Variants in LRRC53 observed in about 807,000 individuals in gnomAD.
LRRC53 encodes leucine-rich repeat-containing protein 53.
Under a neutral mutation model 13.6 loss-of-function variants are expected in LRRC53, and 25 were observed. That is an observed-to-expected ratio of 1.83 (90% confidence interval 1.34 to 2.56). The LOEUF (loss-of-function observed/expected upper bound fraction) is 2.56. Ranked by LOEUF, LRRC53 falls within the 30% of genes most tolerant of loss-of-function variation. The pLI is 0.00. For missense variants in LRRC53, 527 were observed against 275.8 expected, an observed-to-expected ratio of 1.91 and a Z score of -6.45; for synonymous variants, 204 against 109.8, an observed-to-expected ratio of 1.86 and a Z score of -5.37.
At chr1:74,498,726 T>TC (rs1557608519) in intron 1 of LRRC53, among the ~76,000 whole-genome samples, 67 of 152,218 alleles carry the variant, frequency 4.4e-4, no homozygotes, top group African/African-American at 1.6e-3. Flanking sequence ...TTTTCCAGTC[T>TC]TCCCCCCGAC....
At chr1:74,514,782 G>T (rs1055335205), upstream of LRRC53, among the ~76,000 whole-genome samples, 1 of 152,062 alleles carries the variant, frequency 6.6e-6, no homozygotes, top group Non-Finnish European at 1.5e-5. Context: ...GGGTATTGTG[G>T]GTTGAATTGT....
intron 1 of LRRC53, among the ~76,000 whole-genome samples, chr1:74,494,121 T>C (rs1005089115): frequency 6.6e-6 from 1 of 152,108 alleles, no homozygotes; most frequent in Non-Finnish European, 1.5e-5. Flanking sequence ...AAAATCTTTC[T>C]CCGTCCACGT....
chr1:74,500,561 G>A (rs531231329), intron 1 of LRRC53, among the ~76,000 whole-genome samples: 161 of 126,044 alleles, frequency 1.3e-3, no homozygotes, highest in African/African-American at 4.3e-3. Flanking sequence ...CTGAGATCCC[G>A]CCACTGCACT....
At chr1:74,476,201 T>C (rs1280746718) in intron 3 of LRRC53, among the ~76,000 whole-genome samples, 1 of 152,174 alleles carries the variant, frequency 6.6e-6, no homozygotes, top group Non-Finnish European at 1.5e-5. Flanking sequence ...TGCCTGGTAC[T>C]GTCATTTCAT....
chr1:74,486,233 G>GA (rs200856016), intron 1 of LRRC53, among the ~76,000 whole-genome samples: 7 of 150,094 alleles, frequency 4.7e-5, no homozygotes, highest in South Asian at 2.1e-4. Context: ...GAGAGAGAGA[G>GA]GTGGGAAATA....
chr1:74,533,164 C>T, the LRRC53 span, among the ~76,000 whole-genome samples: 1 of 152,152 alleles, frequency 6.6e-6, no homozygotes, highest in Non-Finnish European at 1.5e-5. Context: ...GCAACCTACT[C>T]ATCTGACAAA....
At chr1:74,478,564 G>T (rs1668322035) in intron 3 of LRRC53, among the ~76,000 whole-genome samples, 1 of 152,024 alleles carries the variant, frequency 6.6e-6, no homozygotes, top group Non-Finnish European at 1.5e-5. Flanking sequence ...AATCCTCTAT[G>T]AAAAAAAGGG....
chr1:74,497,063 G>T (rs370828360), intron 1 of LRRC53, among the ~76,000 whole-genome samples: 2 of 152,220 alleles, frequency 1.3e-5, no homozygotes, highest in South Asian at 4.1e-4. Context: ...TCCATCAAAG[G>T]TTTCTTTAAA....
At chr1:74,536,664 C>A in the LRRC53 span, among the ~76,000 whole-genome samples, 1 of 152,012 alleles carries the variant, frequency 6.6e-6, no homozygotes, top group African/African-American at 2.4e-5. Flanking sequence ...CATTTTACAT[C>A]CACAAAATTA....
In LRRC53 at chr1:74,480,622, AT is replaced by A. The variant is rs2100254900; in HGVS notation, c.434del (p.Asn145IlefsTer49). 2.8e-6 allele frequency: 2 copies of A among 717,268 alleles called. No individual in the cohort carries two copies. The highest frequency in any genetic ancestry group is 5.4e-5 in the East Asian group (2 of 37,292). The allele number at this position is 717,268 out of a possible 1,614,324, so 44.4% of individuals were successfully genotyped here. ...TGCCTCCGAAAGAACTGTCTGTGAG[AT>A]TAGTAATCTGATTCCCATCCAGCTG... ...RLQLDGNQIT[N>X]LTDSSFGGTN... is the part of the protein sequence containing the mutation. On this transcript the variant is annotated frameshift_variant, in exon 3 of 5. Transcript: ENST00000294635. LOFTEE classifies it high-confidence loss of function.
intron 1 of LRRC53, among the ~76,000 whole-genome samples, chr1:74,506,438 T>G (rs1191096030): frequency 6.6e-6 from 1 of 152,186 alleles, no homozygotes; most frequent in African/African-American, 2.4e-5. Flanking sequence ...AGCCCATGAT[T>G]TTTTTACTAC....
chr1:74,518,874 C>CTTT, the LRRC53 span, among the ~76,000 whole-genome samples: 1 of 29,050 alleles, frequency 3.4e-5, no homozygotes, highest in Non-Finnish European at 6.0e-5. Flanking sequence ...TTTTTTTCCC[C>CTTT]TTTTTTTTTT....
At chr1:74,525,405 C>T in the LRRC53 span, among the ~76,000 whole-genome samples, 1 of 152,112 alleles carries the variant, frequency 6.6e-6, no homozygotes, top group Admixed American at 6.5e-5. Flanking sequence ...TTAAGGACAG[C>T]AGCTAGGAAG....
At position 74,483,352 on chromosome 1, in the gene LRRC53, T is replaced by C; in HGVS notation, c.-3A>G. Reference sequence around the variant, plus strand: ...CAAGCTGCCACCAACCGCAACATGATGGCAAAGAGTACCAGCCATCCACCT... The same window carrying C: ...CAAGCTGCCACCAACCGCAACATGACGGCAAAGAGTACCAGCCATCCACCT... On this transcript the variant is annotated 5_prime_UTR_variant, in exon 2 of 5. Transcript: ENST00000294635. 1 of 717,388 alleles carries C rather than the reference T, an allele frequency of 1.4e-6. No homozygotes were observed. The highest frequency in any genetic ancestry group is 2.6e-6 in the Non-Finnish European group (1 of 384,922). The allele number at this position is 717,388 out of a possible 1,614,324, so 44.4% of individuals were successfully genotyped here. A position where few individuals can be genotyped will look rare whatever the true frequency, so the allele number is the denominator to read the frequency against.
rs908441945 is a variant in LRRC53, at chr1:74,475,821, TAGAG to T, written c.905-15_905-12del. 1.0e-4 allele frequency: 59 copies of T among 575,882 alleles called. No individual in the cohort carries two copies. Among genetic ancestry groups the T allele is most frequent in the Admixed American group, 2.2e-4 (7 of 31,822 alleles). The allele number at this position is 575,882 out of a possible 1,614,324, so 35.7% of individuals were successfully genotyped here. On this transcript the variant is annotated splice_polypyrimidine_tract_variant and intron_variant, in intron 3 of 4. Coordinates refer to ENST00000294635, the MANE Select transcript of LRRC53 (RefSeq NM_001382280.1). ...TGAGACCAACAGCTCCTATGACAAA[TAGAG>T]AGACCATTAAAAGATAACATCTTGG...
chr1:74,474,061 T>C (rs1315197638), intron 4 of LRRC53, among the ~76,000 whole-genome samples: 6 of 152,110 alleles, frequency 3.9e-5, no homozygotes, highest in Non-Finnish European at 8.8e-5. Flanking sequence ...GAATTTCTGG[T>C]ATTTCTTAAA....
At chr1:74,532,443 G>A in the LRRC53 span, among the ~76,000 whole-genome samples, 7 of 144,174 alleles carry the variant, frequency 4.9e-5, no homozygotes, top group South Asian at 4.6e-4. Flanking sequence ...AGTTTGACAC[G>A]TGCTATTATT....
At chr1:74,514,645 G>A (rs973785063), upstream of LRRC53, among the ~76,000 whole-genome samples, 2 of 152,090 alleles carry the variant, frequency 1.3e-5, no homozygotes, top group Non-Finnish European at 2.9e-5. Context: ...TAGTAAGGGG[G>A]GAAGCTGGGA....
chr1:74,524,930 T>C, the LRRC53 span, among the ~76,000 whole-genome samples: 6 of 152,176 alleles, frequency 3.9e-5, no homozygotes, highest in Non-Finnish European at 7.3e-5. Context: ...GCTGAGGTAC[T>C]TTGGGGCTGG....
Sources: gnomAD v4.1 joint callset for allele counts (sites outside exome capture counted in the v4.1 genomes callset) on GRCh38, gnomAD v4.1.1 for gene constraint, MANE v1.5 for transcripts, NCBI Gene and HGNC (gene_info 2026-07-23, HGNC 2026-07-21) for gene names.